OSGIN1: variants seen among roughly 807,000 people sequenced by gnomAD.
OSGIN1 encodes the protein oxidative stress-induced growth inhibitor 1.
In OSGIN1, 19 loss-of-function variants were observed where a neutral mutation model predicts 20.1. The observed-to-expected ratio is 0.95, with a 90% CI of 0.66 to 1.39. The LOEUF (loss-of-function observed/expected upper bound fraction) is 1.39. Among genes scored for constraint, OSGIN1 ranks in the 40% most tolerant of loss-of-function variants. The pLI is 0.00. For synonymous variants in OSGIN1, 368 were observed against 297.8 expected (o/e 1.24, Z -2.43); for missense variants, 820 against 653.0 (o/e 1.26, Z -2.79).
In OSGIN1 at chr16:83,965,156, G is replaced by A. The variant is rs368428355; in HGVS notation, c.583G>A (p.Gly195Ser). The change falls in exon 6 of 6, where the codon GGT becomes AGT. Residue 195 changes from glycine to serine, a missense_variant. Gly to Ser is a moderately conservative substitution (Grantham distance 56, BLOSUM62 0). Transcript: ENST00000393306. ...GGGTCTGGGGCATAACTTTGTGTCC[G>A]GTGCTGTAGTCACAGCCGTGGAGTG... ...KKGLGHNFVS[G>S]AVVTAVEWGT... 2.0e-5 allele frequency: 33 copies of A among 1,613,296 alleles called. No individual in the cohort carries two copies. The highest frequency in any genetic ancestry group is 1.5e-4 in the African/African-American group (11 of 74,944).
Position 83,957,712 on chromosome 16 carries a change from C to G in OSGIN1, c.41C>G (p.Ser14Ter). 1.9e-6 allele frequency: 3 copies of G among 1,603,554 alleles called. No individual in the cohort carries two copies. The highest frequency in any genetic ancestry group is 1.7e-6 in the Non-Finnish European group (2 of 1,174,646). Residue 14 changes from serine (S) to a stop codon, truncating the protein, a stop_gained, in exon 2 of 6, where the codon TCA becomes TGA. Coordinates refer to ENST00000393306, the MANE Select transcript of OSGIN1 (RefSeq NM_182981.3). LOFTEE classifies it high-confidence loss of function. ...AAGGACCACCTCGGCGCCAGCAGCTCAGAGCCCCTCCCGGTCATCATTGTG... is the reference window on the plus strand; with the variant it reads ...AAGGACCACCTCGGCGCCAGCAGCTGAGAGCCCCTCCCGGTCATCATTGTG... Reference protein sequence around the residue: ...SRKDHLGASSSEPLPVIIVGN... With the variant: ...SRKDHLGASS
At chr16:83,965,024 C>G (rs750261752) in intron 5 of OSGIN1, 38 bp from the exon 6 acceptor site, 1 of 676,290 alleles carries the variant, frequency 1.5e-6, no homozygotes, top group South Asian at 1.6e-5. Flanking sequence ...CAACCCCTAA[C>G]AGTGTCTGAC....
chr16:83,965,995 G>T lies in OSGIN1; in HGVS notation c.1422G>T (p.Arg474Ser), dbSNP rs761296736. The change falls in exon 6 of 6, where the codon AGG becomes AGT. Residue 474 changes from arginine to serine, a missense_variant. Physicochemically the swap from Arg to Ser is moderately radical, Grantham distance 110. Transcript: ENST00000393306. ...VASSLLRKET[R>S]KPP Reference sequence around the variant, plus strand: ...GCTCCCTGCTAAGGAAGGAGACCAGGAAGCCACCCTAACACTCGGCCAGAC... The same window carrying T: ...GCTCCCTGCTAAGGAAGGAGACCAGTAAGCCACCCTAACACTCGGCCAGAC... The T allele has an allele frequency of 2.5e-6, 4 of 1,577,394 alleles. No homozygotes were observed. The highest frequency in any genetic ancestry group is 1.1e-5 in the South Asian group (1 of 87,264).
Position 83,953,485 on chromosome 16 carries a change from G to T in OSGIN1, c.-33+115G>T, listed in dbSNP as rs548811713. The stretch of plus-strand genomic sequence containing the variant: ...GCCCTGGCGCCAGGCGGGGGTCCCG[G>T]GTGGTCCTGAGTGGAGGCCCTCGCC... On this transcript the variant is annotated intron_variant, in intron 1 of 5. Coordinates refer to ENST00000393306, the MANE Select transcript of OSGIN1 (RefSeq NM_182981.3). 1.5e-4 allele frequency: 146 copies of T among 996,836 alleles called. 2 individuals carry two copies. The African/African-American group carries it at 2.1e-3, about 14-fold the overall frequency. 61.7% of individuals were successfully genotyped at this position (996,836 alleles called of 1,614,324 possible).
At chr16:83,961,746 G>A (rs764690052) in intron 5 of OSGIN1, among the ~76,000 whole-genome samples, 1 of 152,038 alleles carries the variant, frequency 6.6e-6, no homozygotes, top group Non-Finnish European at 1.5e-5. Flanking sequence ...GCAAGCAGCA[G>A]ACCGCCCTGT....
chr16:83,964,938 T>G (rs1262174993), intron 5 of OSGIN1, 124 bp from the exon 6 acceptor site: 2 of 694,964 alleles, frequency 2.9e-6, no homozygotes, highest in East Asian at 5.0e-5. Flanking sequence ...TTACCTGGCC[T>G]AGTCCTACAG....
chr16:83,958,238 G>C (rs114005643), intron 2 of OSGIN1, among the ~76,000 whole-genome samples: 1 of 152,228 alleles, frequency 6.6e-6, no homozygotes, highest in Non-Finnish European at 1.5e-5. Context: ...TATGTGGCCA[G>C]TGCTAGGCTT....
At chr16:83,960,817 C>G in intron 4 of OSGIN1, 57 bp downstream of exon 4, 1 of 1,562,908 alleles carries the variant, frequency 6.4e-7, no homozygotes, top group South Asian at 1.1e-5. Flanking sequence ...GTTCTCCCCA[C>G]TTGGGGCTGG....
At chr16:83,965,036 C>A (rs748827933) in intron 5 of OSGIN1, 26 bp from the exon 6 acceptor site, 12 of 1,217,812 alleles carry the variant, frequency 9.9e-6, no homozygotes, top group South Asian at 1.3e-5. Context: ...GTGTCTGACT[C>A]TGGCGTCCTG....
At chr16:83,953,478 G>T (rs1908785855) in intron 1 of OSGIN1, 108 bp downstream of exon 1, 1 of 1,000,590 alleles carries the variant, frequency 1.0e-6, no homozygotes, top group Admixed American at 2.7e-5. Context: ...GCCAGGCGGG[G>T]GTCCCGGGTG....
chr16:83,961,537 T>A (rs2084212970), intron 5 of OSGIN1, among the ~76,000 whole-genome samples: 1 of 152,154 alleles, frequency 6.6e-6, no homozygotes, highest in African/African-American at 2.4e-5. Flanking sequence ...TCCCTTTAGC[T>A]TAGTGATTTG....
Position 83,965,049 on chromosome 16 carries a change from T to C in OSGIN1, c.489-13T>C, listed in dbSNP as rs746280838. On this transcript the variant is annotated splice_polypyrimidine_tract_variant and intron_variant, in intron 5 of 5. Coordinates refer to ENST00000393306, the MANE Select transcript of OSGIN1 (RefSeq NM_182981.3). ...CAGTGTCTGACTCTGGCGTCCTGCA[T>C]CCTCCCCAACAGAGGTCTTCGCAAC... 1.5e-6 allele frequency: 2 copies of C among 1,291,722 alleles called. No individual in the cohort carries two copies. Among genetic ancestry groups the C allele is most frequent in the Non-Finnish European group, 2.1e-6 (2 of 948,508 alleles). The allele number at this position is 1,291,722 out of a possible 1,614,324, so 80.0% of individuals were successfully genotyped here.
In OSGIN1 at chr16:83,965,804, G is replaced by A; in HGVS notation, c.1231G>A (p.Asp411Asn). The change falls in exon 6 of 6, where the codon GAC (aspartate) becomes AAC (asparagine). Residue 411 changes from aspartate (D) to asparagine (N), a missense_variant. Physicochemically the swap from Asp to Asn is conservative, Grantham distance 23 (BLOSUM62 1). Transcript: ENST00000393306. Reference protein sequence around the residue: ...DLSFLPGAGADFAVDPDQPLS... With the variant: ...DLSFLPGAGANFAVDPDQPLS... ...CTCCTTCCTGCCTGGGGCAGGGGCT[G>A]ACTTTGCAGTGGATCCTGACCAGCC... 3.1e-6 allele frequency: 5 copies of A among 1,613,044 alleles called. No homozygotes were observed. The highest frequency in any genetic ancestry group is 4.2e-6 in the Non-Finnish European group (5 of 1,179,986).
intron 5 of OSGIN1, among the ~76,000 whole-genome samples, chr16:83,963,888 T>C (rs1416922136): frequency 3.3e-5 from 5 of 152,216 alleles, no homozygotes; most frequent in African/African-American, 9.6e-5. Context: ...TCACTGCCCC[T>C]GGAAAGAGTG....
chr16:83,960,872 C>T lies in OSGIN1; in HGVS notation c.397-109C>T, dbSNP rs997932433. 21 of 1,473,718 alleles carry T rather than the reference C, an allele frequency of 1.4e-5. No homozygotes were observed. The African/African-American group carries it at 2.9e-4, about 20-fold the overall frequency. The allele number at this position is 1,473,718 out of a possible 1,614,324, so 91.3% of individuals were successfully genotyped here. ...CCTCATTCTCCACCCCGCAACCCTG[C>T]CTCTCCCTCCTCCCTCTACCCAGCC... On this transcript the variant is annotated intron_variant, in intron 4 of 5. Transcript: ENST00000393306.
At position 83,965,761 on chromosome 16, in the gene OSGIN1, C is replaced by T. The variant is rs546377245; in HGVS notation, c.1188C>T (p.Ile396=). 27 of 1,613,354 alleles carry T rather than the reference C, an allele frequency of 1.7e-5. No individual in the cohort carries two copies. In the East Asian group the frequency reaches 2.0e-4, roughly 12 times the overall value. The part of the protein sequence containing the change: ...VFGVSLVLVL[I]GSHPDLSFLP... ...GGGTCTCCCTGGTGCTGGTCCTCAT[C>T]GGCTCCCACCCCGACCTCTCCTTCC... Residue 396 remains isoleucine (I), a synonymous_variant, in exon 6 of 6, where the codon ATC becomes ATT. Transcript: ENST00000393306.
intron 1 of OSGIN1, chr16:83,957,270 G>A (rs926327280): frequency 9.6e-6 from 2 of 207,430 alleles, no homozygotes; most frequent in Admixed American, 6.0e-5. Flanking sequence ...GAAGGGTCTG[G>A]CAGGGCTGGT....
At chr16:83,962,246 G>T (rs1386303353) in intron 5 of OSGIN1, among the ~76,000 whole-genome samples, 2 of 152,024 alleles carry the variant, frequency 1.3e-5, no homozygotes, top group East Asian at 3.9e-4. Context: ...TTGTTTATTT[G>T]TTGTTTGTTT....
chr16:83,957,941 ATCT>A (rs1404426446), intron 2 of OSGIN1, among the ~76,000 whole-genome samples: 1 of 151,984 alleles, frequency 6.6e-6, no homozygotes. Flanking sequence ...CAGTAGTGCA[ATCT>A]TGGTTCACTG....
Sources: allele counts gnomAD v4.1 joint callset (sites outside exome capture counted in the v4.1 genomes callset), GRCh38; gene constraint gnomAD v4.1.1; transcripts MANE v1.5; gene names NCBI Gene and HGNC (gene_info 2026-07-23, HGNC 2026-07-21).